LACTB2: variants seen among roughly 807,000 people sequenced by gnomAD.
LACTB2 encodes endoribonuclease LACTB2.
Under a neutral mutation model 34.8 loss-of-function variants are expected in LACTB2, and 32 were observed. That is an observed-to-expected ratio of 0.92 (90% CI 0.69 to 1.24). LACTB2 has a LOEUF of 1.24. Among genes scored for constraint, LACTB2 ranks in the 50% most tolerant of loss-of-function variants. The probability of loss-of-function intolerance (pLI) is 0.00; values close to 1 mark genes in which losing one functional copy is unlikely to be tolerated. For missense variants in LACTB2, 320 were observed against 345.0 expected, an observed-to-expected ratio of 0.93 and a Z score of 0.57; for synonymous variants, 120 against 117.5, an observed-to-expected ratio of 1.02 and a Z score of -0.14.
intron 2 of LACTB2, among the ~76,000 whole-genome samples, chr8:70,659,144 G>C (rs1040862727): frequency 6.6e-6 from 1 of 152,190 alleles, no homozygotes; most frequent in Non-Finnish European, 1.5e-5. Context: ...GGATAGGTAA[G>C]ATAAGCTCAG....
chr8:70,647,522 G>A (rs1227911335), intron 3 of LACTB2, among the ~76,000 whole-genome samples: 1 of 152,118 alleles, frequency 6.6e-6, no homozygotes, highest in East Asian at 1.9e-4. Context: ...CAAAGTGCTG[G>A]GATTACAGGC....
intron 3 of LACTB2, among the ~76,000 whole-genome samples, chr8:70,647,235 CTCTA>C (rs1818274055): frequency 6.6e-6 from 1 of 151,580 alleles, no homozygotes; most frequent in Non-Finnish European, 1.5e-5. Context: ...ATATATATAT[CTCTA>C]TCTATCTATA....
At chr8:70,665,656 T>C (rs1184381904) in intron 1 of LACTB2, among the ~76,000 whole-genome samples, 2 of 152,044 alleles carry the variant, frequency 1.3e-5, no homozygotes, top group East Asian at 3.9e-4. Context: ...TCCAATGAGG[T>C]AGGTACTACA....
At chr8:70,656,664 G>A (rs532494136) in intron 3 of LACTB2, among the ~76,000 whole-genome samples, 1 of 152,100 alleles carries the variant, frequency 6.6e-6, no homozygotes, top group African/African-American at 2.4e-5. Flanking sequence ...GGCTATGTGG[G>A]CTCTTTTTGG....
At position 70,651,032 on chromosome 8, in the gene LACTB2, A is replaced by G. The variant is rs370614469; in HGVS notation, c.413+6724T>C. Among the ~76,000 whole-genome samples the G allele has an allele frequency of 3.9e-5, 6 of 152,172 alleles. No individual in the cohort carries two copies. The East Asian group carries it at 9.7e-4, about 24-fold the overall frequency. ...AGACATTTGATAAAATTCAACTCTT[A>G]AAGTATTTAAGAGAACTGAAATGAC... On this transcript the variant is annotated intron_variant, in intron 3 of 6. Transcript: ENST00000276590.
At chr8:70,638,865 G>A (rs1009746072) in intron 5 of LACTB2, among the ~76,000 whole-genome samples, 2 of 150,846 alleles carry the variant, frequency 1.3e-5, no homozygotes, top group Non-Finnish European at 1.5e-5. Context: ...TCAGCCTCCC[G>A]AGTAGCTGGG....
chr8:70,660,541 G>A (rs1002340553), intron 2 of LACTB2: 7 of 449,870 alleles, frequency 1.6e-5, no homozygotes, highest in African/African-American at 1.4e-4. Flanking sequence ...AAAAATACTA[G>A]CTCAATGTAA....
At chr8:70,657,661 T>C in intron 3 of LACTB2, 95 bp downstream of exon 3, 1 of 1,243,354 alleles carries the variant, frequency 8.0e-7, no homozygotes, top group Non-Finnish European at 1.1e-6. Flanking sequence ...GATCTTCCCA[T>C]CTCAGCCTCC....
At chr8:70,666,940 T>C (rs1292168864) in intron 1 of LACTB2, among the ~76,000 whole-genome samples, 1 of 152,194 alleles carries the variant, frequency 6.6e-6, no homozygotes, top group Non-Finnish European at 1.5e-5. Flanking sequence ...AGTTGGCTAC[T>C]TGAGTCTGAA....
intron 3 of LACTB2, among the ~76,000 whole-genome samples, chr8:70,653,225 C>T (rs1818367179): frequency 6.6e-6 from 1 of 152,204 alleles, no homozygotes; most frequent in Non-Finnish European, 1.5e-5. Context: ...ATCCTCTCAC[C>T]TCAGCCTCCC....
chr8:70,661,551 A>G, intron 2 of LACTB2, 183 bp downstream of exon 2: 1 of 512,076 alleles, frequency 2.0e-6, no homozygotes, highest in Non-Finnish European at 3.4e-6. Context: ...AGAAATCAGG[A>G]TTTCCGTTCC....
At position 70,650,113 on chromosome 8, in the gene LACTB2, G is replaced by A. The variant is rs528935774; in HGVS notation, c.414-5870C>T. On this transcript the variant is annotated intron_variant, in intron 3 of 6. Coordinates refer to ENST00000276590, the MANE Select transcript of LACTB2 (RefSeq NM_016027.3). ...TCCTCCCACCTTCATCTCCCAAAGAGCTGGGATTACAGGTATGAGCCACCA... is the reference window on the plus strand; with the variant it reads ...TCCTCCCACCTTCATCTCCCAAAGAACTGGGATTACAGGTATGAGCCACCA... 2.0e-3 allele frequency among the ~76,000 whole-genome samples: 298 copies of A among 152,236 alleles called. 2 individuals carry two copies. The highest frequency in any genetic ancestry group is 6.5e-3 in the African/African-American group (270 of 41,524).
intron 3 of LACTB2, among the ~76,000 whole-genome samples, chr8:70,647,943 A>T (rs919902659): frequency 6.2e-4 from 34 of 54,504 alleles, no homozygotes; most frequent in African/African-American, 2.1e-3. Flanking sequence ...AGGAAGTGAC[A>T]ATATACTAAA....
chr8:70,662,086 T>C, intron 1 of LACTB2, 189 bp from the exon 2 acceptor site: 1 of 488,632 alleles, frequency 2.0e-6, no homozygotes. Context: ...TGAGAAAAAT[T>C]AGAGCTAAAT....
chr8:70,668,762 T>TTTTTTTTTTG, intron 1 of LACTB2, among the ~76,000 whole-genome samples: 1 of 151,206 alleles, frequency 6.6e-6, no homozygotes, highest in African/African-American at 2.4e-5. Flanking sequence ...TTTTTTTTTT[T>TTTTTTTTTTG]TTTTTTTTTT....
At chr8:70,659,774 T>TC (rs1048830693) in intron 2 of LACTB2, among the ~76,000 whole-genome samples, 92 of 152,350 alleles carry the variant, frequency 6.0e-4, no homozygotes, top group African/African-American at 2.1e-3. Context: ...GTCTTCAAAA[T>TC]TATGTGCAAA....
chr8:70,663,784 C>T (rs1338186090), intron 1 of LACTB2, among the ~76,000 whole-genome samples: 1 of 151,988 alleles, frequency 6.6e-6, no homozygotes, highest in African/African-American at 2.4e-5. Context: ...TCTTATCTTG[C>T]TTTTTTTCCA....
Position 70,655,921 on chromosome 8 carries a change from C to T in LACTB2, c.413+1835G>A, listed in dbSNP as rs189784137. On this transcript the variant is annotated intron_variant, in intron 3 of 6. Transcript: ENST00000276590. ...GCAGGAGTAAGGTGGTATTGCATTG[C>T]GGTTTTGATTTGTATTTCCCTGATC... Among the ~76,000 whole-genome samples, 53 of 152,130 alleles carry T rather than the reference C, an allele frequency of 3.5e-4. 1 individual carries two copies. The highest frequency in any genetic ancestry group is 9.6e-4 in the African/African-American group (40 of 41,518).
chr8:70,656,102 G>C (rs540904100), intron 3 of LACTB2, among the ~76,000 whole-genome samples: 3 of 152,234 alleles, frequency 2.0e-5, no homozygotes, highest in African/African-American at 2.4e-5. Flanking sequence ...CAGATGTATA[G>C]ATTATGAAGA....
Sources: allele counts gnomAD v4.1 joint callset (sites outside exome capture counted in the v4.1 genomes callset), GRCh38; gene constraint gnomAD v4.1.1; transcripts MANE v1.5; gene names NCBI Gene and HGNC (gene_info 2026-07-23, HGNC 2026-07-21).